The following SPARC variants were observed in gnomAD, a reference collection of about 807,000 sequenced individuals.
SPARC encodes the protein basement-membrane protein 40.
A neutral mutation model predicts 37.7 loss-of-function variants in SPARC; 23 were observed. The observed-to-expected ratio is 0.61, with a 90% CI of 0.44 to 0.87. SPARC has a LOEUF of 0.87. Among genes scored for constraint, SPARC ranks in the 40% least tolerant of loss-of-function variants. The probability of loss-of-function intolerance (pLI) is 0.00; values close to 1 mark genes in which losing one functional copy is unlikely to be tolerated. For missense variants in SPARC, 312 were observed against 389.0 expected, an observed-to-expected ratio of 0.80 and a Z score of 1.66; for synonymous variants, 155 against 150.8, an observed-to-expected ratio of 1.03 and a Z score of -0.20.
At chr5:151,671,474 C>T in intron 5 of SPARC, 99 bp downstream of exon 5, 1 of 1,396,950 alleles carries the variant, frequency 7.2e-7, no homozygotes, top group Non-Finnish European at 9.6e-7. Flanking sequence ...GAGACTGGCA[C>T]TGCCCCATAG....
At chr5:151,679,059 G>A (rs1348223483) in intron 1 of SPARC, 1 of 152,208 alleles carries the variant, frequency 6.6e-6, no homozygotes, top group Non-Finnish European at 1.5e-5. Flanking sequence ...TCAAACCCCA[G>A]CATTCAGAAC....
intron 5 of SPARC, among the ~76,000 whole-genome samples, chr5:151,670,687 C>G (rs1009922340): frequency 2.0e-5 from 3 of 152,020 alleles, no homozygotes; most frequent in African/African-American, 7.3e-5. Flanking sequence ...ATGCAGTGGC[C>G]GTAAGTAGCT....
chr5:151,666,207 C>G (rs1294935085), intron 8 of SPARC, among the ~76,000 whole-genome samples, 154 bp downstream of exon 8: 1 of 152,222 alleles, frequency 6.6e-6, no homozygotes. Context: ...AGGTCCACAT[C>G]TTTTCTCCAG....
intron 6 of SPARC, 31 bp downstream of exon 6, chr5:151,669,633 C>G (rs370844930): frequency 3.2e-5 from 52 of 1,611,082 alleles, no homozygotes; most frequent in Non-Finnish European, 4.4e-5. Context: ...CTCCCCAAGA[C>G]AGGAGTCTGG....
At chr5:151,674,326 C>T (rs552373320) in intron 3 of SPARC, among the ~76,000 whole-genome samples, 174 of 152,150 alleles carry the variant, frequency 1.1e-3, no homozygotes, top group Non-Finnish European at 1.1e-3. Flanking sequence ...CTCTGTTTTA[C>T]GTTTGCAAAA....
chr5:151,683,489 G>C lies in SPARC; in HGVS notation c.-14+3376C>G, dbSNP rs529500183. On this transcript the variant is annotated intron_variant, in intron 1 of 9. Transcript: ENST00000231061. ...GCCAGCTTGCTATGTGACCTCCAGTGAGTTATTTTCTCTTCCTGAGCCTCA... is the reference window on the plus strand; with the variant it reads ...GCCAGCTTGCTATGTGACCTCCAGTCAGTTATTTTCTCTTCCTGAGCCTCA... 1.4e-4 allele frequency among the ~76,000 whole-genome samples: 21 copies of C among 152,350 alleles called. No homozygotes were observed. In the South Asian group the frequency reaches 4.2e-3, roughly 30 times the overall value.
intron 6 of SPARC, 132 bp downstream of exon 6, chr5:151,669,532 G>A: frequency 2.8e-6 from 3 of 1,063,204 alleles, no homozygotes; most frequent in Non-Finnish European, 4.0e-6. Context: ...TTATAAATGG[G>A]GATGCCGAGA....
At chr5:151,673,342 G>A in intron 3 of SPARC, 126 bp from the exon 4 acceptor site, 1 of 727,336 alleles carries the variant, frequency 1.4e-6, no homozygotes, top group Non-Finnish European at 2.5e-6. Context: ...TTAATCTATA[G>A]GCCTGCTGTG....
In SPARC at chr5:151,671,654, G is replaced by T; in HGVS notation, c.249C>A (p.Cys83Ter). 6.2e-7 allele frequency: 1 copy of T among 1,612,822 alleles called. No individual in the cohort carries two copies. Among genetic ancestry groups the T allele is most frequent in the Non-Finnish European group, 8.5e-7 (1 of 1,179,314 alleles). Residue 83 changes from cysteine (C) to a stop codon, truncating the protein, a stop_gained, in exon 5 of 10, where the codon TGC becomes TGA. Coordinates refer to ENST00000231061, the MANE Select transcript of SPARC (RefSeq NM_003118.4). LOFTEE classifies it high-confidence loss of function. Reference sequence around the variant, plus strand: ...TGGGGGTGTTGTTCTCATCCAGCTCGCACACCTTGCCGTGTTTGCAGTGGT... The same window carrying T: ...TGGGGGTGTTGTTCTCATCCAGCTCTCACACCTTGCCGTGTTTGCAGTGGT... Reference protein sequence around the residue: ...QNHHCKHGKVCELDENNTPMC... With the variant: ...QNHHCKHGKV
chr5:151,685,434 A>T (rs1378785600), intron 1 of SPARC, among the ~76,000 whole-genome samples: 2 of 151,296 alleles, frequency 1.3e-5, no homozygotes, highest in African/African-American at 2.4e-5. Context: ...ACACACACAC[A>T]CACACACACA....
Position 151,669,588 on chromosome 5 carries a change from T to C in SPARC, c.451+76A>G. 2.6e-6 allele frequency: 4 copies of C among 1,514,692 alleles called. No homozygotes were observed. The South Asian group carries it at 4.8e-5, about 18-fold the overall frequency. The allele number at this position is 1,514,692 out of a possible 1,614,324, so 93.8% of individuals were successfully genotyped here. On this transcript the variant is annotated intron_variant, in intron 6 of 9. Transcript: ENST00000231061. ...TGCCCAAGATCACCCAGCATGGGGG[T>C]GGCAGAGACAGCATCAGTGCCAGCT...
chr5:151,663,205 C>A lies in SPARC; in HGVS notation c.*366G>T, dbSNP rs940659605. Reference sequence around the variant, plus strand: ...AATGAAATGAACACAAAGTCTGACTCGGTAAGTATTAGTTTCAAACAGAAC... The same window carrying A: ...AATGAAATGAACACAAAGTCTGACTAGGTAAGTATTAGTTTCAAACAGAAC... On this transcript the variant is annotated 3_prime_UTR_variant, in exon 10 of 10. Transcript: ENST00000231061. The A allele has an allele frequency of 5.2e-6, 1 of 193,768 alleles. No individual in the cohort carries two copies. Among genetic ancestry groups the A allele is most frequent in the Non-Finnish European group, 1.0e-5 (1 of 95,246 alleles). The allele number at this position is 193,768 out of a possible 1,614,324, so 12.0% of individuals were successfully genotyped here.
At position 151,674,596 on chromosome 5, in the gene SPARC, G is replaced by A. The variant is rs765053361; in HGVS notation, c.120+16C>T. The A allele has an allele frequency of 2.5e-6, 4 of 1,613,430 alleles. No homozygotes were observed. The highest frequency in any genetic ancestry group is 2.5e-6 in the Non-Finnish European group (3 of 1,179,502). On this transcript the variant is annotated intron_variant, in intron 3 of 9. Transcript: ENST00000231061. The stretch of plus-strand genomic sequence containing the variant: ...GGTAGAGAGGGGCTAAGGGGCTGCG[G>A]TCACTGCCCACATACCTCAGTCACC...
At chr5:151,677,485 T>C (rs766013808) in intron 1 of SPARC, among the ~76,000 whole-genome samples, 2 of 152,204 alleles carry the variant, frequency 1.3e-5, no homozygotes, top group Non-Finnish European at 2.9e-5. Context: ...CCCGGCATCA[T>C]GGAGAAAAAT....
Position 151,674,570 on chromosome 5 carries a change from A to G in SPARC, c.120+42T>C, listed in dbSNP as rs2304051. On this transcript the variant is annotated intron_variant, in intron 3 of 9. Coordinates refer to ENST00000231061, the MANE Select transcript of SPARC (RefSeq NM_003118.4). ...CCCTAATTTCTCAGGGCACAGATAC[A>G]GGTAGAGAGGGGCTAAGGGGCTGCG... 0.094 allele frequency: 149,646 copies of G among 1,591,912 alleles called. 11,954 individuals carry two copies. Among genetic ancestry groups the G allele is most frequent in the African/African-American group, 0.43 (31,782 of 74,220 alleles).
At chr5:151,669,916 T>A in intron 5 of SPARC, 132 bp from the exon 6 acceptor site, 1 of 1,276,156 alleles carries the variant, frequency 7.8e-7, no homozygotes. Flanking sequence ...GGTCATATAG[T>A]GAGTTAGTGA....
chr5:151,676,181 GC>G lies in SPARC; in HGVS notation c.7del (p.Ala3ProfsTer36). On this transcript the variant is annotated frameshift_variant, in exon 2 of 10. Transcript: ENST00000231061. LOFTEE classifies it high-confidence loss of function. ...CAGGCAAAGGAGAAAGAAGATCCAGGCCCTCATGGTGCTGGGAACCCTATGG... is the reference window on the plus strand; with the variant it reads ...CAGGCAAAGGAGAAAGAAGATCCAGGCCTCATGGTGCTGGGAACCCTATGG... MRAWIFFLLCLAG... is the reference protein window; with the variant it reads MRXWIFFLLCLAG... 1 of 1,611,492 alleles carries G rather than the reference GC, an allele frequency of 6.2e-7. No homozygotes were observed. The highest frequency in any genetic ancestry group is 8.5e-7 in the Non-Finnish European group (1 of 1,179,040).
intron 1 of SPARC, among the ~76,000 whole-genome samples, chr5:151,680,216 C>CTTTTTTT (rs58021431): frequency 0.053 from 3,281 of 62,032 alleles, 732 homozygotes; most frequent in African/African-American, 0.083. Flanking sequence ...TGGAAAACAT[C>CTTTTTTT]TTTTTTTTTT....
chr5:151,675,468 C>T (rs1273740531), intron 2 of SPARC, among the ~76,000 whole-genome samples: 1 of 152,186 alleles, frequency 6.6e-6, no homozygotes, highest in Non-Finnish European at 1.5e-5. Context: ...TGGCTCAGGA[C>T]CCAAGCTCAG....
Sources: allele counts gnomAD v4.1 joint callset (sites outside exome capture counted in the v4.1 genomes callset), GRCh38; gene constraint gnomAD v4.1.1; transcripts MANE v1.5; gene names NCBI Gene and HGNC (gene_info 2026-07-23, HGNC 2026-07-21).